Variants in NAA30 observed in about 807,000 individuals in gnomAD.
The protein encoded by NAA30 is N-alpha-acetyltransferase 30, NatC catalytic subunit, also known as N-alpha-acetyltransferase 30.
NAA30 carries 5 observed loss-of-function variants against 31.4 expected under a neutral mutation model. The observed-to-expected ratio is 0.16, with a 90% CI of 0.08 to 0.33. The LOEUF is 0.33. NAA30 is among the 10% of genes least tolerant of loss of function. The pLI is 1.00. For missense variants in NAA30, 428 were observed against 490.8 expected, an observed-to-expected ratio of 0.87 and a Z score of 1.21; for synonymous variants, 222 against 207.1, an observed-to-expected ratio of 1.07 and a Z score of -0.62.
chr14:57,391,104 A>AGGC lies in NAA30; in HGVS notation c.154_156dup (p.Gly52dup), dbSNP rs774280792. 1.3e-6 allele frequency: 2 copies of AGGC among 1,571,024 alleles called. No individual in the cohort carries two copies. Among genetic ancestry groups the AGGC allele is most frequent in the Non-Finnish European group, 1.7e-6 (2 of 1,161,748 alleles). ...ACGAGGAGGACGACGAAGAGCACGA[A>AGGC]GGCGGCGGCAGCAGGAGCCCGGCGG... On this transcript the variant is annotated inframe_insertion, in exon 2 of 5. Coordinates refer to ENST00000556492, the MANE Select transcript of NAA30 (RefSeq NM_001011713.3). This position sits in a 1 kb window ranked among gnomAD's most constrained non-coding sequence, Gnocchi z 4.1.
rs1475133455 is a variant in NAA30, at chr14:57,391,034, G to C, written c.77G>C (p.Arg26Pro). ...APPAPAAVEP[R>P]CPFPAGAALA... ...CCGGCCCCGGCGGCGGTCGAGCCCC[G>C]CTGTCCCTTCCCGGCGGGGGCCGCC... Residue 26 changes from arginine (R) to proline (P), a missense_variant, in exon 2 of 5, where the codon CGC becomes CCC. Arg to Pro is a moderately radical substitution (Grantham distance 103). Around this residue, in one of 2 missense-constraint regions of NAA30, gnomAD observed 349 missense variants for 310.4 expected, o/e 1.12. Coordinates refer to ENST00000556492, the MANE Select transcript of NAA30 (RefSeq NM_001011713.3). The surrounding 1 kb of genome is among the most constrained non-coding windows in gnomAD (Gnocchi z 4.1). 6.6e-7 allele frequency: 1 copy of C among 1,510,702 alleles called. No homozygotes were observed. The highest frequency in any genetic ancestry group is 1.4e-5 in the African/African-American group (1 of 69,820). 93.6% of individuals were successfully genotyped at this position (1,510,702 alleles called of 1,614,324 possible).
intron 2 of NAA30, among the ~76,000 whole-genome samples, chr14:57,395,667 TG>T (rs2066447347): frequency 6.6e-6 from 1 of 152,208 alleles, no homozygotes; most frequent in Non-Finnish European, 1.5e-5. Flanking sequence ...TCTGGAAAGC[TG>T]TACGTTTTTA....
rs938076157 is a variant in NAA30 at position 57,391,114 on chromosome 14, A to G, written c.157A>G (p.Ser53Gly). The G allele has an allele frequency of 1.9e-6, 3 of 1,578,628 alleles. No individual in the cohort carries two copies. The highest frequency in any genetic ancestry group is 2.7e-5 in the African/African-American group (2 of 73,706). Residue 53 changes from serine to glycine, a missense_variant, in exon 2 of 5, where the codon AGC becomes GGC. Around this residue, in one of 2 missense-constraint regions of NAA30, gnomAD observed 349 missense variants for 310.4 expected, o/e 1.12. Coordinates refer to ENST00000556492, the MANE Select transcript of NAA30 (RefSeq NM_001011713.3). This position sits in a 1 kb window ranked among gnomAD's most constrained non-coding sequence, Gnocchi z 4.1. Reference sequence around the variant, plus strand: ...CGACGAAGAGCACGAAGGCGGCGGCAGCAGGAGCCCGGCGGGCGGAGAGTC... The same window carrying G: ...CGACGAAGAGCACGAAGGCGGCGGCGGCAGGAGCCCGGCGGGCGGAGAGTC... ...EDDEEHEGGG[S>G]RSPAGGESAT... is the part of the protein sequence containing the mutation.
At position 57,409,462 on chromosome 14, in the gene NAA30, C is replaced by T. The variant is rs1264608567; in HGVS notation, c.1035C>T (p.Phe345=). 6.2e-7 allele frequency: 1 copy of T among 1,611,424 alleles called. No individual in the cohort carries two copies. Among genetic ancestry groups the T allele is most frequent in the South Asian group, 1.1e-5 (1 of 90,534 alleles). Residue 345 remains phenylalanine (F), a synonymous_variant, in exon 5 of 5, where the codon TTC becomes TTT. Coordinates refer to ENST00000556492, the MANE Select transcript of NAA30 (RefSeq NM_001011713.3). ...GTTTTGTTCGAGATAAGAGGCTGTT[C>T]AGATACTATTTAAATGGAGTTGATG... ...NLGFVRDKRL[F]RYYLNGVDAL...
chr14:57,391,226 C>T lies in NAA30; in HGVS notation c.269C>T (p.Pro90Leu). ...EQQQLNGLIS[P>L]ELRHLRAAAS... Reference sequence around the variant, plus strand: ...CAGCAGCTCAACGGATTGATTAGCCCCGAACTGCGGCACCTCCGGGCGGCC... The same window carrying T: ...CAGCAGCTCAACGGATTGATTAGCCTCGAACTGCGGCACCTCCGGGCGGCC... Residue 90 changes from proline (P) to leucine (L), a missense_variant, in exon 2 of 5, where the codon CCC becomes CTC. Around this residue, in one of 2 missense-constraint regions of NAA30, gnomAD observed 349 missense variants for 310.4 expected, o/e 1.12. Coordinates refer to ENST00000556492, the MANE Select transcript of NAA30 (RefSeq NM_001011713.3). The surrounding 1 kb of genome is among the most constrained non-coding windows in gnomAD (Gnocchi z 4.1). The T allele has an allele frequency of 6.2e-7, 1 of 1,612,230 alleles. No homozygotes were observed. The highest frequency in any genetic ancestry group is 8.5e-7 in the Non-Finnish European group (1 of 1,179,864).
At chr14:57,390,928 C>T in intron 1 of NAA30, 29 bp from the exon 2 acceptor site, 2 of 1,457,088 alleles carry the variant, frequency 1.4e-6, no homozygotes, top group Non-Finnish European at 1.8e-6. Context: ...GGTTTCATGG[C>T]CTCCCCTCTC....
intron 3 of NAA30, 28 bp downstream of exon 3, chr14:57,396,903 A>G: frequency 6.2e-7 from 1 of 1,609,954 alleles, no homozygotes; most frequent in Non-Finnish European, 8.5e-7. Context: ...TTATGGAAAG[A>G]ATGCCTAAGC....
chr14:57,391,822 C>A lies in NAA30; in HGVS notation c.771+94C>A. 1.4e-5 allele frequency: 12 copies of A among 887,372 alleles called. No individual in the cohort carries two copies. The highest frequency in any genetic ancestry group is 2.1e-5 in the Non-Finnish European group (12 of 568,390). The allele number at this position is 887,372 out of a possible 1,614,324, so 55.0% of individuals were successfully genotyped here. A position where few individuals can be genotyped will look rare whatever the true frequency, so the allele number is the denominator to read the frequency against. ...GCCCAGAATGTGGCAGTGGATATCT[C>A]CTGCTGCGTATCATAGTACGTTATA... On this transcript the variant is annotated intron_variant, in intron 2 of 4. Transcript: ENST00000556492. This position sits in a 1 kb window ranked among gnomAD's most constrained non-coding sequence, Gnocchi z 4.1.
intron 4 of NAA30, among the ~76,000 whole-genome samples, chr14:57,404,331 C>G (rs1397778368): frequency 6.6e-6 from 1 of 152,038 alleles, no homozygotes; most frequent in Non-Finnish European, 1.5e-5. Context: ...CACACACACA[C>G]ACAAAAAGAG....
intron 4 of NAA30, among the ~76,000 whole-genome samples, chr14:57,408,075 A>G (rs1234413647): frequency 6.6e-6 from 1 of 152,172 alleles, no homozygotes; most frequent in South Asian, 2.1e-4. Context: ...AATTTTGGAT[A>G]TAAGTTGAGG....
chr14:57,406,298 A>G (rs569767310), intron 4 of NAA30, among the ~76,000 whole-genome samples: 457 of 152,324 alleles, frequency 3.0e-3, no homozygotes, highest in African/African-American at 0.01. Context: ...TAGTGGTGGT[A>G]GCCTCAGATG....
chr14:57,407,216 G>GA (rs1392481605), intron 4 of NAA30, among the ~76,000 whole-genome samples: 1 of 152,142 alleles, frequency 6.6e-6, no homozygotes, highest in Non-Finnish European at 1.5e-5. Context: ...AGTGCAGAGA[G>GA]AAATTGACGT....
chr14:57,409,627 T>C lies in NAA30; in HGVS notation c.*111T>C. On this transcript the variant is annotated 3_prime_UTR_variant, in exon 5 of 5. Transcript: ENST00000556492. ...GATTTAGTAATTTCCATGCAGCTCT[T>C]ACCTGTCAGTGTCTCATTGAGTGTC... 1 of 1,038,016 alleles carries C rather than the reference T, an allele frequency of 9.6e-7. No individual in the cohort carries two copies. The highest frequency in any genetic ancestry group is 2.1e-5 in the South Asian group (1 of 47,892). 64.3% of individuals were successfully genotyped at this position (1,038,016 alleles called of 1,614,324 possible).
rs45583845 is a variant in NAA30 at position 57,391,476 on chromosome 14, C to G, written c.519C>G (p.Thr173=). Residue 173 remains threonine, a synonymous_variant, in exon 2 of 5, where the codon ACC becomes ACG. Coordinates refer to ENST00000556492, the MANE Select transcript of NAA30 (RefSeq NM_001011713.3). This position sits in a 1 kb window ranked among gnomAD's most constrained non-coding sequence, Gnocchi z 4.1. Reference sequence around the variant, plus strand: ...CCCGCAATGGACTGGCCGAGGGCACCGAGCAGGAGGAGGAGGAGGAAGACG... The same window carrying G: ...CCCGCAATGGACTGGCCGAGGGCACGGAGCAGGAGGAGGAGGAGGAAGACG... ...AAARNGLAEG[T]EQEEEEEDEQ... is the part of the protein sequence containing the mutation. 0.03 allele frequency: 48,484 copies of G among 1,612,202 alleles called. 820 individuals carry two copies. Among genetic ancestry groups the G allele is most frequent in the Non-Finnish European group, 0.036 (42,473 of 1,179,404 alleles).
intron 3 of NAA30, among the ~76,000 whole-genome samples, chr14:57,397,433 A>G (rs920986503): frequency 6.6e-6 from 1 of 152,216 alleles, no homozygotes; most frequent in African/African-American, 2.4e-5. Flanking sequence ...CTTAACACTC[A>G]TGATTTATAA....
In NAA30 at chr14:57,412,277, C is replaced by G. The variant is rs189022219; in HGVS notation, c.*2761C>G. On this transcript the variant is annotated 3_prime_UTR_variant, in exon 5 of 5. Transcript: ENST00000556492. ...TTTTCTGCCTCTTTCCCAAATTACC[C>G]TTCCCACTTGCTCGACAAATCTATG... 5 of 152,220 alleles carry G rather than the reference C, an allele frequency of 3.3e-5. No individual in the cohort carries two copies. The highest frequency in any genetic ancestry group is 3.3e-4 in the Admixed American group (5 of 15,290). The allele number at this position is 152,220 out of a possible 1,614,324, so 9.4% of individuals were successfully genotyped here.
intron 1 of NAA30, 22 bp from the exon 2 acceptor site, chr14:57,390,933 CCT>C (rs1389584998): frequency 3.4e-6 from 5 of 1,460,442 alleles, no homozygotes; most frequent in Non-Finnish European, 3.6e-6. Flanking sequence ...CATGGCCTCC[CCT>C]CTCGGTCTGT....
intron 2 of NAA30, among the ~76,000 whole-genome samples, chr14:57,393,217 T>TA (rs971143331): frequency 1.3e-5 from 2 of 152,212 alleles, no homozygotes; most frequent in African/African-American, 2.4e-5. Context: ...TGAGTCCTGA[T>TA]AGTTACCTAA....
rs1384661712 is a variant in NAA30 at position 57,391,279 on chromosome 14, G to C, written c.322G>C (p.Val108Leu). The C allele has an allele frequency of 2.5e-6, 4 of 1,610,912 alleles. No individual in the cohort carries two copies. Among genetic ancestry groups the C allele is most frequent in the Non-Finnish European group, 2.5e-6 (3 of 1,179,038 alleles). The change falls in exon 2 of 5, where the codon GTA (valine) becomes CTA (leucine). Residue 108 changes from valine (V) to leucine (L), a missense_variant. This residue lies in a region of NAA30 where 349 missense variants were observed against 310.4 expected (regional missense o/e 1.12). Coordinates refer to ENST00000556492, the MANE Select transcript of NAA30 (RefSeq NM_001011713.3). The surrounding 1 kb of genome is among the most constrained non-coding windows in gnomAD (Gnocchi z 4.1). The stretch of plus-strand genomic sequence containing the variant: ...CTCCCTCAAGAGCAAGGTCCTGAGC[G>C]TAGCAGAGGTGGCCGCGACCACAGC... Reference protein sequence around the residue: ...AASLKSKVLSVAEVAATTATP... With the variant: ...AASLKSKVLSLAEVAATTATP...
Sources: allele counts gnomAD v4.1 joint callset (sites outside exome capture counted in the v4.1 genomes callset), GRCh38; gene constraint gnomAD v4.1.1; regional missense constraint gnomAD v4.1.1; non-coding constraint Gnocchi (gnomAD v3.1); transcripts MANE v1.5; gene names NCBI Gene and HGNC (gene_info 2026-07-23, HGNC 2026-07-21).